Variants in SIMC1 observed in about 807,000 individuals in gnomAD.
The protein encoded by SIMC1 is SUMO interacting motifs containing 1, also known as SUMO-interacting motif-containing protein 1.
SIMC1 carries 55 observed loss-of-function variants against 82.3 expected under a neutral mutation model. The ratio of observed to expected loss-of-function variants is 0.67; its 90% confidence interval spans 0.54 to 0.84. SIMC1 has a LOEUF of 0.84. Among genes scored for constraint, SIMC1 ranks in the 40% least tolerant of loss-of-function variants. The pLI is 0.00. For synonymous variants in SIMC1, 353 were observed against 426.3 expected (o/e 0.83, Z 2.12); for missense variants, 915 against 1,107.2 (o/e 0.83, Z 2.46).
At chr5:176,314,416 A>G (rs1318563596) in intron 5 of SIMC1, among the ~76,000 whole-genome samples, 1 of 152,206 alleles carries the variant, frequency 6.6e-6, no homozygotes, top group Non-Finnish European at 1.5e-5. Flanking sequence ...GTCTATTTCA[A>G]TATTGTCCAA....
Position 176,242,942 on chromosome 5 carries a change from G to A in SIMC1, c.129+4305G>A, listed in dbSNP as rs183587600. 8.4e-4 allele frequency among the ~76,000 whole-genome samples: 127 copies of A among 151,940 alleles called. 5 individuals are homozygous for A. The highest frequency in any genetic ancestry group is 2.9e-3 in the African/African-American group (120 of 41,338). On this transcript the variant is annotated intron_variant, in intron 1 of 9. Transcript: ENST00000429602. ...TACAGAGTGTTAGGGGAAAAAATAC[G>A]GTATTTTTGTTCTTTTAATCTTTGC...
intron 9 of SIMC1, 107 bp from the exon 10 acceptor site, chr5:176,345,076 A>T (rs1445131551): frequency 2.1e-6 from 3 of 1,416,252 alleles, no homozygotes; most frequent in Non-Finnish European, 2.9e-6. Flanking sequence ...GTATCCCTGT[A>T]GCTAGTCAGC....
chr5:176,324,856 AC>A, intron 7 of SIMC1, 99 bp downstream of exon 7: 1 of 1,344,210 alleles, frequency 7.4e-7, no homozygotes. Context: ...TATCTATGCT[AC>A]CTGTCAGGAA....
Position 176,247,287 on chromosome 5 carries a change from A to G in SIMC1, c.129+8650A>G, listed in dbSNP as rs538743076. ...AGCATCTGTTGGTTCCTGACTTTTT[A>G]ATGATTGCCATTCTAACTGGTGTGA... On this transcript the variant is annotated intron_variant, in intron 1 of 9. Transcript: ENST00000429602. 7.7e-3 allele frequency among the ~76,000 whole-genome samples: 1,172 copies of G among 152,210 alleles called. 12 individuals carry two copies. The highest frequency in any genetic ancestry group is 0.027 in the African/African-American group (1,110 of 41,548).
chr5:176,303,265 C>CT (rs1320335888), intron 4 of SIMC1, among the ~76,000 whole-genome samples: 4 of 44,078 alleles, frequency 9.1e-5, no homozygotes, highest in Non-Finnish European at 1.6e-4. Flanking sequence ...GAGACTCTGT[C>CT]TTTAAAAAAA....
rs1320160277 is a variant in SIMC1 at position 176,289,971 on chromosome 5, C to T, written c.447C>T (p.Ile149=). The T allele has an allele frequency of 1.9e-6, 3 of 1,613,900 alleles. No homozygotes were observed. The Admixed American group carries it at 5.0e-5, about 27-fold the overall frequency. Reference sequence around the variant, plus strand: ...TAGGTCCCCCACCCGCTACATCCATCAGTGGAGGCTCTGTTTATCCAACAG... The same window carrying T: ...TAGGTCCCCCACCCGCTACATCCATTAGTGGAGGCTCTGTTTATCCAACAG... ...TFVGPPPATS[I]SGGSVYPTEP... is the part of the protein sequence containing the mutation. The change falls in exon 2 of 10, where the codon ATC becomes ATT. Residue 149 remains isoleucine (I), a synonymous_variant. Transcript: ENST00000429602.
chr5:176,263,207 C>A (rs1762075329), intron 1 of SIMC1, among the ~76,000 whole-genome samples: 1 of 152,230 alleles, frequency 6.6e-6, no homozygotes, highest in Non-Finnish European at 1.5e-5. Context: ...GATGTCAATT[C>A]TTCCTGACTT....
chr5:176,253,457 A>G (rs932753036), intron 1 of SIMC1, among the ~76,000 whole-genome samples: 1 of 151,624 alleles, frequency 6.6e-6, no homozygotes, highest in African/African-American at 2.4e-5. Context: ...CCAGTGATCC[A>G]CCCGCCTCAG....
At chr5:176,244,719 CTTTT>C (rs1177032281) in intron 1 of SIMC1, among the ~76,000 whole-genome samples, 1 of 114,500 alleles carries the variant, frequency 8.7e-6, no homozygotes, top group Non-Finnish European at 1.8e-5. Context: ...TTTTTTTTTC[CTTTT>C]TTTTTTTTTT....
intron 7 of SIMC1, among the ~76,000 whole-genome samples, chr5:176,330,789 G>A (rs145776813): frequency 6.6e-5 from 10 of 152,270 alleles, no homozygotes; most frequent in Non-Finnish European, 1.3e-4. Flanking sequence ...GACGTGAATG[G>A]ATACTAACAT....
At chr5:176,334,157 C>T (rs1227982853) in intron 7 of SIMC1, among the ~76,000 whole-genome samples, 2 of 152,162 alleles carry the variant, frequency 1.3e-5, no homozygotes, top group Non-Finnish European at 2.9e-5. Flanking sequence ...TGGACATTTG[C>T]TCCTGGTTAT....
In SIMC1 at chr5:176,290,327, T is replaced by G. The variant is rs368992707; in HGVS notation, c.803T>G (p.Val268Gly). The change falls in exon 2 of 10, where the codon GTG becomes GGG. Residue 268 changes from valine (V) to glycine (G), a missense_variant. By Grantham distance (109) the Val-to-Gly change is moderately radical (BLOSUM62 -3). This residue lies in a region of SIMC1 where 902 missense variants were observed against 1,040.3 expected (regional missense o/e 0.87). Transcript: ENST00000429602. Reference protein sequence around the residue: ...LPALTHPPQEVPCPRQNIPGP... With the variant: ...LPALTHPPQEGPCPRQNIPGP... ...GCTCTAACTCACCCACCTCAAGAAG[T>G]GCCATGCCCTCGGCAGAATATCCCA... The G allele has an allele frequency of 2.2e-4, 358 of 1,613,752 alleles. 1 individual carries two copies. Among genetic ancestry groups the G allele is most frequent in the Middle Eastern group, 9.9e-4 (6 of 6,062 alleles).
intron 1 of SIMC1, among the ~76,000 whole-genome samples, chr5:176,274,730 C>T (rs1197363614): frequency 6.6e-6 from 1 of 151,788 alleles, no homozygotes; most frequent in Non-Finnish European, 1.5e-5. Context: ...ATATGGCTAG[C>T]CAGTTTTCCC....
intron 3 of SIMC1, among the ~76,000 whole-genome samples, chr5:176,295,707 G>A: frequency 6.9e-6 from 1 of 145,864 alleles, no homozygotes; most frequent in Non-Finnish European, 1.5e-5. Context: ...CCTCAGTTCT[G>A]TTTTGGGGCT....
intron 9 of SIMC1, among the ~76,000 whole-genome samples, chr5:176,340,021 G>T (rs1766060504): frequency 6.6e-6 from 1 of 152,218 alleles, no homozygotes; most frequent in Non-Finnish European, 1.5e-5. Context: ...TAGTTGTCTA[G>T]CTGCAAGAGT....
chr5:176,319,688 C>A (rs1290194123), intron 5 of SIMC1, among the ~76,000 whole-genome samples: 1 of 152,126 alleles, frequency 6.6e-6, no homozygotes, highest in Admixed American at 6.5e-5. Context: ...AAACTGTATT[C>A]TTATTTTCTT....
intron 9 of SIMC1, among the ~76,000 whole-genome samples, chr5:176,344,342 C>G (rs1396151091): frequency 6.6e-6 from 1 of 152,092 alleles, no homozygotes; most frequent in South Asian, 2.1e-4. Context: ...TAATTGCTTA[C>G]TCGTGATCAC....
chr5:176,324,966 A>C (rs1765314771), intron 7 of SIMC1, among the ~76,000 whole-genome samples: 1 of 152,216 alleles, frequency 6.6e-6, no homozygotes. Context: ...GAGGTTCTCA[A>C]CTAATTATTA....
Position 176,296,330 on chromosome 5 carries a change from A to G in SIMC1, c.1734+10A>G. On this transcript the variant is annotated intron_variant, in intron 4 of 9. Coordinates refer to ENST00000429602, the MANE Select transcript of SIMC1 (RefSeq NM_001308195.2). ...TGTCATGGAGGAAGAGGTAACAACA[A>G]TTATAAGATTATATCTTCTGTAGGG... 1 of 1,613,048 alleles carries G rather than the reference A, an allele frequency of 6.2e-7. No individual in the cohort carries two copies. The highest frequency in any genetic ancestry group is 1.1e-5 in the South Asian group (1 of 90,934).
Sources: allele counts gnomAD v4.1 joint callset (sites outside exome capture counted in the v4.1 genomes callset), GRCh38; gene constraint gnomAD v4.1.1; regional missense constraint gnomAD v4.1.1; transcripts MANE v1.5; gene names NCBI Gene and HGNC (gene_info 2026-07-23, HGNC 2026-07-21).